TENM1: variants seen among roughly 807,000 people sequenced by gnomAD.
The protein encoded by TENM1 is teneurin transmembrane protein 1, also known as teneurin-1.
Under a neutral mutation model 174.8 loss-of-function variants are expected in TENM1, and 35 were observed. The observed-to-expected ratio is 0.20, with a 90% CI of 0.15 to 0.27. The LOEUF is 0.27. Ranked by LOEUF, TENM1 falls within the 10% of genes least tolerant of loss-of-function variation. The pLI, the probability that TENM1 is intolerant of heterozygous loss-of-function variation, is 1.00. For missense variants in TENM1, 1,633 were observed against 2,130.1 expected (o/e 0.77, Z 4.59); for synonymous variants, 781 against 798.7 (o/e 0.98, Z 0.37).
intron 3 of TENM1, among the ~76,000 whole-genome samples, chrX:124,884,489 G>A (rs2057352381): frequency 9.0e-6 from 1 of 111,032 alleles, no homozygotes; most frequent in Non-Finnish European, 1.9e-5. Flanking sequence ...TGGATCAAGG[G>A]TTCTCCATAG....
At chrX:124,708,344 G>A (rs191316021) in intron 4 of TENM1, among the ~76,000 whole-genome samples, 1 of 111,390 alleles carries the variant, frequency 9.0e-6, no homozygotes, top group African/African-American at 3.3e-5. Context: ...AAAGGACTGG[G>A]TTGCTGAGGG....
intron 23 of TENM1, among the ~76,000 whole-genome samples, chrX:124,438,399 G>GATACAGAAGTATCTTAGATATTT (rs1318289652): frequency 9.0e-6 from 1 of 110,883 alleles, no homozygotes; most frequent in African/African-American, 3.3e-5. Context: ...ATCTTAGAGA[G>GATACAGAAGTATCTTAGATATTT]CTTCAGGTTC....
chrX:124,401,064 G>A (rs1018992869), intron 27 of TENM1, among the ~76,000 whole-genome samples: 3 of 111,481 alleles, frequency 2.7e-5, no homozygotes, highest in Non-Finnish European at 5.7e-5. Context: ...TGCTCAGGCT[G>A]AGCAGGGTAT....
intron 1 of TENM1, among the ~76,000 whole-genome samples, chrX:124,950,856 T>C (rs2058472188): frequency 8.9e-6 from 1 of 111,763 alleles, no homozygotes; most frequent in African/African-American, 3.2e-5. Context: ...TTCCCATGTT[T>C]TAAAGCTTTA....
chrX:125,059,385 A>G, the TENM1 span, among the ~76,000 whole-genome samples: 1 of 111,796 alleles, frequency 8.9e-6, no homozygotes, highest in Non-Finnish European at 1.9e-5. Context: ...ATAGTAAAAA[A>G]GTTACTATAG....
chrX:124,542,035 G>A (rs1282196239), intron 15 of TENM1, among the ~76,000 whole-genome samples: 1 of 112,194 alleles, frequency 8.9e-6, no homozygotes, highest in Non-Finnish European at 1.9e-5. Context: ...TAGTCAAATA[G>A]AGAGGCTACC....
intron 1 of TENM1, among the ~76,000 whole-genome samples, chrX:124,932,198 C>T (rs922237515): frequency 1.8e-5 from 2 of 111,888 alleles, no homozygotes; most frequent in African/African-American, 6.5e-5. Flanking sequence ...ATAAGCCAAA[C>T]TAGAGTTCAA....
At chrX:124,401,657 G>A (rs1260753559) in intron 27 of TENM1, among the ~76,000 whole-genome samples, 4 of 111,984 alleles carry the variant, frequency 3.6e-5, no homozygotes, top group Non-Finnish European at 7.5e-5. Context: ...AAATAATAAC[G>A]TCAGTGGGGG....
At chrX:124,514,812 A>G (rs1019667640) in intron 18 of TENM1, among the ~76,000 whole-genome samples, 1 of 111,199 alleles carries the variant, frequency 9.0e-6, no homozygotes. Flanking sequence ...GAATTATTCC[A>G]AAAAATTGAG....
the TENM1 span, among the ~76,000 whole-genome samples, chrX:125,152,976 C>T: frequency 4.5e-4 from 49 of 110,085 alleles, no homozygotes; most frequent in African/African-American, 1.5e-3. Flanking sequence ...ATTCAGTTAC[C>T]GCTTGTTTCA....
chrX:124,978,005 AG>A, the TENM1 span, among the ~76,000 whole-genome samples: 17 of 90,511 alleles, frequency 1.9e-4, no homozygotes, highest in African/African-American at 6.8e-4. Context: ...AGAGAGAGAG[AG>A]AGAGAGAGAG....
intron 3 of TENM1, among the ~76,000 whole-genome samples, chrX:124,797,415 G>C (rs975757308): frequency 9.0e-6 from 1 of 111,502 alleles, no homozygotes; most frequent in African/African-American, 3.3e-5. Flanking sequence ...TATTCCTAGA[G>C]ACTTGTCCAT....
At chrX:124,442,326 C>T (rs1387976072) in intron 23 of TENM1, among the ~76,000 whole-genome samples, 1 of 112,163 alleles carries the variant, frequency 8.9e-6, no homozygotes, top group Non-Finnish European at 1.9e-5. Context: ...TCCCTTTATT[C>T]AAGCAAACTT....
chrX:124,724,037 T>C (rs757157265), intron 4 of TENM1, among the ~76,000 whole-genome samples: 1 of 112,526 alleles, frequency 8.9e-6, no homozygotes, highest in Admixed American at 9.4e-5. Context: ...TGGCACATAG[T>C]AAGCAAGTAG....
chrX:124,640,980 T>C (rs866804144), intron 11 of TENM1, among the ~76,000 whole-genome samples: 2 of 54,212 alleles, frequency 3.7e-5, no homozygotes, highest in Admixed American at 3.9e-4. Flanking sequence ...AAAAAAAAAA[T>C]CAGGGGATCC....
intron 23 of TENM1, among the ~76,000 whole-genome samples, chrX:124,427,793 G>A (rs931597651): frequency 8.9e-6 from 1 of 112,014 alleles, no homozygotes; most frequent in African/African-American, 3.2e-5. Context: ...TATAAGGAAT[G>A]GAGTCTTTGA....
the TENM1 span, among the ~76,000 whole-genome samples, chrX:124,969,115 ATATATATAAAATGC>A: frequency 8.9e-6 from 1 of 112,140 alleles, no homozygotes; most frequent in African/African-American, 3.2e-5. Context: ...GAAAAATCAA[ATATATATAAAATGC>A]TATTCACATC....
intron 18 of TENM1, among the ~76,000 whole-genome samples, chrX:124,509,713 ATTTTTTT>A (rs753100747): frequency 2.6e-5 from 2 of 75,884 alleles, no homozygotes; most frequent in African/African-American, 5.8e-5. Context: ...ACTTTCTGGA[ATTTTTTT>A]TTTTTTTTTT....
chrX:124,793,139 T>C, intron 3 of TENM1, among the ~76,000 whole-genome samples: 1 of 111,612 alleles, frequency 9.0e-6, no homozygotes, highest in Non-Finnish European at 1.9e-5. Flanking sequence ...TTTTATAGTC[T>C]TTTCCTCATG....
Sources: gnomAD v4.1 joint callset for allele counts (sites outside exome capture counted in the v4.1 genomes callset) on GRCh38, gnomAD v4.1.1 for gene constraint, MANE v1.5 for transcripts, NCBI Gene and HGNC (gene_info 2026-07-23, HGNC 2026-07-21) for gene names.